ERC2: variants seen among roughly 807,000 people sequenced by gnomAD.
The protein encoded by ERC2 is ELKS/RAB6-interacting/CAST family member 2, also known as ERC protein 2.
Under a neutral mutation model 114.8 loss-of-function variants are expected in ERC2, and 42 were observed. The observed-to-expected ratio is 0.37, with a 90% CI of 0.29 to 0.47. The LOEUF is 0.47. Ranked by LOEUF, ERC2 falls within the 20% of genes least tolerant of loss-of-function variation. The pLI is 0.99. For missense variants in ERC2, 939 were observed against 1,150.7 expected, an observed-to-expected ratio of 0.82 and a Z score of 2.66; for synonymous variants, 454 against 425.5, an observed-to-expected ratio of 1.07 and a Z score of -0.82.
At chr3:55,676,874 G>T (rs1255489732) in intron 17 of ERC2, among the ~76,000 whole-genome samples, 1 of 152,192 alleles carries the variant, frequency 6.6e-6, no homozygotes, top group Non-Finnish European at 1.5e-5. Flanking sequence ...CTCTGGCCCA[G>T]TGGTAATTTA....
rs149679661 is a variant in ERC2, at chr3:56,313,954, T to A, written c.658-17519A>T. 2.7e-3 allele frequency among the ~76,000 whole-genome samples: 406 copies of A among 152,334 alleles called. 3 individuals carry two copies. Among genetic ancestry groups the A allele is most frequent in the African/African-American group, 9.5e-3 (394 of 41,576 alleles). ...AGTAGGGGATTCCTAAAGTACCCTTTAGGACTATATATAAGACTCAGGTGA... is the reference window on the plus strand; with the variant it reads ...AGTAGGGGATTCCTAAAGTACCCTTAAGGACTATATATAAGACTCAGGTGA... On this transcript the variant is annotated intron_variant, in intron 2 of 17. Coordinates refer to ENST00000288221, the MANE Select transcript of ERC2 (RefSeq NM_015576.3).
chr3:56,365,656 G>C (rs566648207), intron 2 of ERC2, among the ~76,000 whole-genome samples: 1 of 152,292 alleles, frequency 6.6e-6, no homozygotes, highest in South Asian at 2.1e-4. Context: ...AAACACAATA[G>C]TATGTTATTT....
intron 13 of ERC2, among the ~76,000 whole-genome samples, chr3:55,917,948 G>A (rs1408059183): frequency 6.6e-6 from 1 of 151,898 alleles, no homozygotes; most frequent in African/African-American, 2.4e-5. Flanking sequence ...TTAAGAAAAT[G>A]CTAGCTGCTC....
chr3:55,927,351 C>T (rs2065807051), intron 13 of ERC2, among the ~76,000 whole-genome samples: 1 of 152,180 alleles, frequency 6.6e-6, no homozygotes, highest in Admixed American at 6.5e-5. Flanking sequence ...AATTCTTCTC[C>T]TTCCCTAAAA....
chr3:56,286,852 T>C (rs1033478751), intron 3 of ERC2, among the ~76,000 whole-genome samples: 1 of 152,224 alleles, frequency 6.6e-6, no homozygotes, highest in African/African-American at 2.4e-5. Flanking sequence ...AGCAAGTCTT[T>C]GTAATTTTTA....
chr3:56,252,056 G>T (rs1006095620), intron 3 of ERC2, among the ~76,000 whole-genome samples: 1 of 152,112 alleles, frequency 6.6e-6, no homozygotes, highest in Non-Finnish European at 1.5e-5. Context: ...CCGAGGGCTG[G>T]GTGAAAGCAG....
At chr3:56,268,484 TATAAG>T (rs2150286772) in intron 3 of ERC2, among the ~76,000 whole-genome samples, 1 of 152,154 alleles carries the variant, frequency 6.6e-6, no homozygotes, top group South Asian at 2.1e-4. Context: ...ACAAAATAAA[TATAAG>T]AGAATTCTAA....
At chr3:56,012,596 T>G (rs181290258) in intron 8 of ERC2, among the ~76,000 whole-genome samples, 60 of 152,258 alleles carry the variant, frequency 3.9e-4, no homozygotes, top group African/African-American at 1.3e-3. Flanking sequence ...TAAGCAGACA[T>G]GTTAACAGCC....
intron 1 of ERC2, among the ~76,000 whole-genome samples, chr3:56,465,820 A>G (rs1258334351): frequency 6.6e-6 from 1 of 152,292 alleles, no homozygotes; most frequent in Non-Finnish European, 1.5e-5. Context: ...CTTCAAATGC[A>G]AAGGCAAAAC....
chr3:56,035,568 A>G (rs550961241), intron 7 of ERC2, among the ~76,000 whole-genome samples: 4 of 152,326 alleles, frequency 2.6e-5, no homozygotes, highest in African/African-American at 9.6e-5. Flanking sequence ...TTCTGCCCTT[A>G]TGAATGGATT....
intron 3 of ERC2, among the ~76,000 whole-genome samples, chr3:56,258,409 G>A (rs149298706): frequency 0.026 from 3,913 of 152,298 alleles, 69 homozygotes; most frequent in South Asian, 0.063. Flanking sequence ...TGTAATCCCA[G>A]CACTTTGGGA....
intron 14 of ERC2, among the ~76,000 whole-genome samples, chr3:55,849,927 C>T (rs1575836093): frequency 6.6e-6 from 1 of 152,172 alleles, no homozygotes; most frequent in African/African-American, 2.4e-5. Flanking sequence ...GCTATGGTAA[C>T]TTAAAACAAC....
At chr3:55,652,859 CAAAAA>C in intron 17 of ERC2, among the ~76,000 whole-genome samples, 1 of 74,354 alleles carries the variant, frequency 1.3e-5, no homozygotes, top group African/African-American at 5.1e-5. Context: ...GACTCTGTCT[CAAAAA>C]AAAAAAAAAA....
Position 55,789,595 on chromosome 3 carries a change from T to C in ERC2, c.2565-54677A>G, listed in dbSNP as rs146912188. ...ATTAAGTGCAAATGAAAGAAAATAC[T>C]TCATGTGCAAAAGGAAGAATAATGG... is the stretch of plus-strand genomic sequence containing the variant. On this transcript the variant is annotated intron_variant, in intron 14 of 17. Coordinates refer to ENST00000288221, the MANE Select transcript of ERC2 (RefSeq NM_015576.3). Among the ~76,000 whole-genome samples the C allele has an allele frequency of 2.2e-3, 336 of 152,294 alleles. 2 individuals are homozygous for C. The highest frequency in any genetic ancestry group is 7.5e-3 in the African/African-American group (313 of 41,566).
intron 13 of ERC2, among the ~76,000 whole-genome samples, chr3:55,929,384 A>C (rs2065939051): frequency 1.3e-5 from 2 of 151,916 alleles, no homozygotes; most frequent in Non-Finnish European, 2.9e-5. Context: ...GCCCTTCTCA[A>C]TTTCTCCAAG....
intron 6 of ERC2, among the ~76,000 whole-genome samples, chr3:56,127,586 G>C (rs112756258): frequency 0.012 from 1,767 of 152,070 alleles, 49 homozygotes; most frequent in African/African-American, 0.041. Flanking sequence ...AGCTGGGCAC[G>C]GTGGCAGATG....
intron 15 of ERC2, among the ~76,000 whole-genome samples, chr3:55,730,567 G>A (rs555186176): frequency 6.6e-6 from 1 of 152,248 alleles, no homozygotes; most frequent in East Asian, 1.9e-4. Context: ...TTCTGTATAC[G>A]TTGAGCTCAA....
At chr3:55,615,919 A>G (rs1191656302) in intron 17 of ERC2, among the ~76,000 whole-genome samples, 1 of 152,192 alleles carries the variant, frequency 6.6e-6, no homozygotes, top group Admixed American at 6.5e-5. Context: ...TCAACTTTGC[A>G]TAAAAGACAG....
chr3:56,094,972 G>T (rs1353386543), intron 6 of ERC2, among the ~76,000 whole-genome samples: 1 of 152,232 alleles, frequency 6.6e-6, no homozygotes, highest in Non-Finnish European at 1.5e-5. Flanking sequence ...AACAGATGGG[G>T]TTGGGGGCAG....
Sources: gnomAD v4.1 joint callset for allele counts (sites outside exome capture counted in the v4.1 genomes callset) on GRCh38, gnomAD v4.1.1 for gene constraint, MANE v1.5 for transcripts, NCBI Gene and HGNC (gene_info 2026-07-23, HGNC 2026-07-21) for gene names.